The following PRELID3A variants were observed in gnomAD, a reference collection of about 807,000 sequenced individuals.
PRELID3A encodes PRELI domain containing 3A.
Under a neutral mutation model 23.0 loss-of-function variants are expected in PRELID3A, and 27 were observed. The ratio of observed to expected loss-of-function variants is 1.17; its 90% CI spans 0.87 to 1.62. The LOEUF (loss-of-function observed/expected upper bound fraction) is 1.62. Among genes scored for constraint, PRELID3A ranks in the 40% most tolerant of loss-of-function variants. The pLI is 0.00. For missense variants in PRELID3A, 231 were observed against 231.4 expected, an observed-to-expected ratio of 1.00 and a Z score of 0.01; for synonymous variants, 87 against 86.4, an observed-to-expected ratio of 1.01 and a Z score of -0.04.
At chr18:12,422,611 C>T (rs2030222690) in intron 3 of PRELID3A, among the ~76,000 whole-genome samples, 1 of 152,088 alleles carries the variant, frequency 6.6e-6, no homozygotes, top group African/African-American at 2.4e-5. Context: ...CCCGCCTCAG[C>T]CTCCCAAAGT....
rs975013126 is a variant in PRELID3A, at chr18:12,431,912, A to G, written c.*796A>G. ...GGGCTGGAGGCCATGGATCCCTCAT[A>G]GTATCCAAGGTTTGAGTTCCTGTTT... On this transcript the variant is annotated 3_prime_UTR_variant, in exon 7 of 7. Coordinates refer to ENST00000440960, the MANE Select transcript of PRELID3A (RefSeq NM_001142405.2). 6.6e-6 allele frequency: 1 copy of G among 152,216 alleles called. No homozygotes were observed. Among genetic ancestry groups the G allele is most frequent in the African/African-American group, 2.4e-5 (1 of 41,468 alleles). 9.4% of individuals were successfully genotyped at this position (152,216 alleles called of 1,614,324 possible).
At chr18:12,412,974 A>G (rs1202217054) in intron 1 of PRELID3A, among the ~76,000 whole-genome samples, 2 of 152,218 alleles carry the variant, frequency 1.3e-5, no homozygotes, top group Admixed American at 6.6e-5. Flanking sequence ...CTTGATTCTC[A>G]TATCTGCTTC....
chr18:12,418,134 T>G lies in PRELID3A; in HGVS notation c.33-2191T>G, dbSNP rs540280945. Among the ~76,000 whole-genome samples the G allele has an allele frequency of 1.6e-4, 25 of 152,306 alleles. No homozygotes were observed. In the East Asian group the frequency reaches 4.8e-3, roughly 29 times the overall value. On this transcript the variant is annotated intron_variant, in intron 1 of 6. Transcript: ENST00000440960. The stretch of plus-strand genomic sequence containing the variant: ...TGACCTCAAATATGGAAGAAAAAAC[T>G]TCAGTATCCTCATAATCTTTCATAT...
intron 3 of PRELID3A, among the ~76,000 whole-genome samples, chr18:12,426,642 A>T (rs2030390179): frequency 6.6e-6 from 1 of 151,952 alleles, no homozygotes; most frequent in South Asian, 2.1e-4. Flanking sequence ...TGCAGTCTCC[A>T]TGTAGATTCA....
intron 1 of PRELID3A, among the ~76,000 whole-genome samples, chr18:12,409,456 C>T (rs540919850): frequency 3.3e-5 from 5 of 152,114 alleles, no homozygotes; most frequent in South Asian, 2.1e-4. Context: ...TGTGAGCCAC[C>T]GTGACTGGCC....
chr18:12,420,570 C>T, intron 2 of PRELID3A, 77 bp downstream of exon 2: 1 of 1,386,092 alleles, frequency 7.2e-7, no homozygotes, highest in Admixed American at 2.8e-5. Flanking sequence ...CGCGTCCCTC[C>T]TCCCCTCATC....
chr18:12,411,301 TAA>T (rs775153295), intron 1 of PRELID3A, among the ~76,000 whole-genome samples: 11 of 132,248 alleles, frequency 8.3e-5, no homozygotes, highest in East Asian at 2.2e-4. Flanking sequence ...TACTAAAAAA[TAA>T]AAAAAAAAAA....
intron 3 of PRELID3A, among the ~76,000 whole-genome samples, chr18:12,423,810 G>T (rs2030271735): frequency 6.6e-6 from 1 of 152,196 alleles, no homozygotes; most frequent in Admixed American, 6.5e-5. Context: ...CTTGTGGGAG[G>T]CCCAGTGTTT....
chr18:12,420,244 C>G (rs1047697128), intron 1 of PRELID3A, 81 bp from the exon 2 acceptor site: 3 of 1,499,956 alleles, frequency 2.0e-6, no homozygotes, highest in African/African-American at 2.8e-5. Context: ...TTGCCCAGGC[C>G]TGGCGGCGGC....
rs139610524 is a variant in PRELID3A at position 12,428,199 on chromosome 18, C to T, written c.465+876C>T. Among the ~76,000 whole-genome samples the T allele has an allele frequency of 4.4e-4, 67 of 152,318 alleles. 1 individual carries two copies. Among genetic ancestry groups the T allele is most frequent in the African/African-American group, 1.4e-3 (59 of 41,562 alleles). On this transcript the variant is annotated intron_variant, in intron 5 of 6. Transcript: ENST00000440960. The stretch of plus-strand genomic sequence containing the variant: ...AGATCCCAGGAGGCCATCCATGGTA[C>T]TCCCTTTGTGTCCAGGGCACTGGAA...
At chr18:12,408,375 C>G (rs1909796446) in intron 1 of PRELID3A, among the ~76,000 whole-genome samples, 1 of 151,876 alleles carries the variant, frequency 6.6e-6, no homozygotes, top group African/African-American at 2.4e-5. Flanking sequence ...GCTCGCTGCT[C>G]TCCTTGGGGT....
At chr18:12,421,931 C>G (rs751079184) in intron 3 of PRELID3A, among the ~76,000 whole-genome samples, 6 of 152,030 alleles carry the variant, frequency 3.9e-5, no homozygotes, top group Non-Finnish European at 8.8e-5. Flanking sequence ...ACTGTCCTGA[C>G]AACCAGCAGA....
At chr18:12,408,050 G>C in intron 1 of PRELID3A, 43 bp downstream of exon 1, 1 of 1,243,184 alleles carries the variant, frequency 8.0e-7, no homozygotes, top group Non-Finnish European at 1.0e-6. Flanking sequence ...TCCAGACGCC[G>C]GCTCCTGCTC....
intron 1 of PRELID3A, among the ~76,000 whole-genome samples, chr18:12,417,243 G>A (rs1342499332): frequency 6.6e-6 from 1 of 151,932 alleles, no homozygotes; most frequent in Non-Finnish European, 1.5e-5. Flanking sequence ...GCGCGATCTC[G>A]GCTCACTGCA....
At chr18:12,415,302 C>T (rs1191419605) in intron 1 of PRELID3A, among the ~76,000 whole-genome samples, 3 of 151,550 alleles carry the variant, frequency 2.0e-5, no homozygotes, top group Non-Finnish European at 4.4e-5. Flanking sequence ...CTCTGTCACC[C>T]AGGCAGAAGT....
Position 12,409,364 on chromosome 18 carries a change from G to A in PRELID3A, c.32+1357G>A, listed in dbSNP as rs143735737. 7.1e-3 allele frequency among the ~76,000 whole-genome samples: 1,075 copies of A among 151,644 alleles called. 13 individuals carry two copies. Among genetic ancestry groups the A allele is most frequent in the African/African-American group, 0.025 (1,014 of 41,364 alleles). On this transcript the variant is annotated intron_variant, in intron 1 of 6. Coordinates refer to ENST00000440960, the MANE Select transcript of PRELID3A (RefSeq NM_001142405.2). ...GTATTTTTAGTAGAAACAGGGTTTC[G>A]CCATGTTGGCCAGGCTGGTCTCGAG...
intron 6 of PRELID3A, among the ~76,000 whole-genome samples, chr18:12,429,645 G>A (rs1226922764): frequency 2.0e-5 from 3 of 152,210 alleles, no homozygotes; most frequent in Admixed American, 1.3e-4. Context: ...TAGATTCCGA[G>A]GAAGCTTGAG....
At chr18:12,420,546 C>T in intron 2 of PRELID3A, 53 bp downstream of exon 2, 6 of 1,439,702 alleles carry the variant, frequency 4.2e-6, no homozygotes, top group African/African-American at 1.5e-5. Context: ...CCCACTCCCG[C>T]CCCCGCCCTC....
At chr18:12,409,493 A>C (rs942542535) in intron 1 of PRELID3A, among the ~76,000 whole-genome samples, 1 of 152,164 alleles carries the variant, frequency 6.6e-6, no homozygotes, top group Non-Finnish European at 1.5e-5. Context: ...AAATTATAAT[A>C]AAAATATATC....
Sources: gnomAD v4.1 joint callset for allele counts (sites outside exome capture counted in the v4.1 genomes callset) on GRCh38, gnomAD v4.1.1 for gene constraint, MANE v1.5 for transcripts, NCBI Gene and HGNC (gene_info 2026-07-23, HGNC 2026-07-21) for gene names.